Variants in RPRD2 observed in about 807,000 individuals in gnomAD.
RPRD2 encodes the protein regulation of nuclear pre-mRNA domain-containing protein 2.
In RPRD2, 12 loss-of-function variants were observed where a neutral mutation model predicts 104.4. The ratio of observed to expected loss-of-function variants is 0.11; its 90% CI spans 0.07 to 0.19. RPRD2 has a LOEUF of 0.19. Among genes scored for constraint, RPRD2 ranks in the 10% least tolerant of loss-of-function variants. RPRD2 has a pLI of 1.00. For synonymous variants in RPRD2, 714 were observed against 684.9 expected (o/e 1.04, Z -0.66); for missense variants, 1,543 against 1,790.1 (o/e 0.86, Z 2.49).
intron 8 of RPRD2, 47 bp from the exon 9 acceptor site, chr1:150,460,013 G>A (rs782005023): frequency 6.3e-7 from 1 of 1,581,400 alleles, no homozygotes; most frequent in East Asian, 2.3e-5. Flanking sequence ...AGGAAGCAAA[G>A]TCTGGAAAGT....
At chr1:150,446,760 A>T (rs1553895574) in intron 7 of RPRD2, among the ~76,000 whole-genome samples, 2 of 152,118 alleles carry the variant, frequency 1.3e-5, no homozygotes, top group Admixed American at 1.3e-4. Context: ...AAAAAAATAG[A>T]AGAAGAAATT....
At position 150,460,211 on chromosome 1, in the gene RPRD2, T is replaced by G; in HGVS notation, c.1305T>G (p.Thr435=). 1 of 1,613,964 alleles carries G rather than the reference T, an allele frequency of 6.2e-7. No individual in the cohort carries two copies. The highest frequency in any genetic ancestry group is 8.5e-7 in the Non-Finnish European group (1 of 1,179,872). The change falls in exon 9 of 11, where the codon ACT becomes ACG. Residue 435 remains threonine (T), a synonymous_variant. Coordinates refer to ENST00000369068, the MANE Select transcript of RPRD2 (RefSeq NM_015203.5). ...CACCTCTTCCAAAGCCTGTGAATAC[T>G]TCTCTTTCCCCTTCCCCAGCATTGG... is the stretch of plus-strand genomic sequence containing the variant. ...ATPPLPKPVN[T]SLSPSPALAL...
intron 1 of RPRD2, among the ~76,000 whole-genome samples, chr1:150,380,675 G>A (rs1661057244): frequency 6.6e-6 from 1 of 150,728 alleles, no homozygotes; most frequent in African/African-American, 2.4e-5. Context: ...TATTTTTTTG[G>A]GACGGAGTCT....
At chr1:150,430,430 G>A (rs1303466038) in intron 2 of RPRD2, among the ~76,000 whole-genome samples, 1 of 152,160 alleles carries the variant, frequency 6.6e-6, no homozygotes, top group East Asian at 1.9e-4. Context: ...CATCATGTGA[G>A]GCCAAAGTGG....
intron 2 of RPRD2, among the ~76,000 whole-genome samples, chr1:150,439,627 C>CTTTTTTTTTTTTTTTTTTT (rs66814229): frequency 2.1e-5 from 3 of 142,292 alleles, no homozygotes; most frequent in Non-Finnish European, 3.0e-5. Flanking sequence ...TTTGACATAG[C>CTTTTTTTTTTTTTTTTTTT]TTTTTTTTTT....
intron 1 of RPRD2, among the ~76,000 whole-genome samples, chr1:150,391,908 AAAAAAT>A (rs1282519891): frequency 2.0e-5 from 3 of 152,012 alleles, no homozygotes; most frequent in South Asian, 2.1e-4. Context: ...ACTCCATCTC[AAAAAAT>A]AAAAATAAAA....
rs587597790 is a variant in RPRD2, at chr1:150,425,081, A to G, written c.335+7356A>G. On this transcript the variant is annotated intron_variant, in intron 2 of 10. Transcript: ENST00000369068. ...TCTGGCTCTGTCACCTCATAACTCT[A>G]TAACTTTAGATAAATAAAATTAGTT... Among the ~76,000 whole-genome samples, 12 of 152,276 alleles carry G rather than the reference A, an allele frequency of 7.9e-5. No homozygotes were observed. In the East Asian group the frequency reaches 2.1e-3, roughly 27 times the overall value.
Position 150,393,454 on chromosome 1 carries a change from CAAA to C in RPRD2, c.206-24121_206-24119del, listed in dbSNP as rs1203478537. 6.3e-3 allele frequency among the ~76,000 whole-genome samples: 375 copies of C among 59,544 alleles called. 2 individuals carry two copies. The highest frequency in any genetic ancestry group is 0.021 in the African/African-American group (359 of 16,908). 39.1% of individuals were successfully genotyped at this position (59,544 alleles called of 152,430 possible). On this transcript the variant is annotated intron_variant, in intron 1 of 10. Transcript: ENST00000369068. ...CCTGGGCAACAGAGAGACCCTGTCT[CAAA>C]AAAAAAAAAAAAAAAAAAAACCAAT...
intron 2 of RPRD2, among the ~76,000 whole-genome samples, chr1:150,440,376 TTA>T (rs1666336246): frequency 2.6e-5 from 4 of 152,194 alleles, no homozygotes; most frequent in African/African-American, 7.2e-5. Context: ...CCAACATTGT[TTA>T]AAGTTAGGTA....
Position 150,476,360 on chromosome 1 carries a change from C to T in RPRD2, c.*3026C>T, listed in dbSNP as rs892332107. ...GCTTCAGCTGTTACTGTTTTGAAGC[C>T]GCTGTAAATTACTGCTTTCCCCAGT... On this transcript the variant is annotated 3_prime_UTR_variant, in exon 11 of 11. Transcript: ENST00000369068. 4.6e-5 allele frequency: 7 copies of T among 152,128 alleles called. No individual in the cohort carries two copies. The highest frequency in any genetic ancestry group is 1.9e-4 in the East Asian group (1 of 5,198). The allele number at this position is 152,128 out of a possible 1,614,324, so 9.4% of individuals were successfully genotyped here.
chr1:150,447,810 C>T (rs1346937158), intron 7 of RPRD2, among the ~76,000 whole-genome samples: 2 of 152,184 alleles, frequency 1.3e-5, no homozygotes, highest in African/African-American at 4.8e-5. Context: ...TTCGTAGAAG[C>T]AATCCCTTTT....
intron 7 of RPRD2, 116 bp downstream of exon 7, chr1:150,446,517 G>A (rs1341424545): frequency 3.2e-6 from 3 of 927,788 alleles, no homozygotes; most frequent in Non-Finnish European, 4.7e-6. Flanking sequence ...TATCGCAGAT[G>A]AAATTACTTT....
rs782268186 is a variant in RPRD2 at position 150,364,209 on chromosome 1, C to T, written c.-506C>T. 2.0e-5 allele frequency among the ~76,000 whole-genome samples: 3 copies of T among 152,172 alleles called. No individual in the cohort carries two copies. The highest frequency in any genetic ancestry group is 4.4e-5 in the Non-Finnish European group (3 of 68,034). The stretch of plus-strand genomic sequence containing the variant: ...AAAATCCTGACTAGGTAGCCTTGGA[C>T]CTTTTCTGTGCTAGCGAGTCTAAAG... On this transcript the variant is annotated 5_prime_UTR_variant, in exon 1 of 11. Transcript: ENST00000369068.
intron 10 of RPRD2, among the ~76,000 whole-genome samples, chr1:150,468,759 C>T (rs1261682012): frequency 6.6e-6 from 1 of 152,044 alleles, no homozygotes; most frequent in African/African-American, 2.4e-5. Context: ...CACCTGTGGT[C>T]CCAGCTACTC....
chr1:150,436,040 G>GT (rs1665966079), intron 2 of RPRD2, among the ~76,000 whole-genome samples: 2 of 151,676 alleles, frequency 1.3e-5, no homozygotes, highest in Admixed American at 1.3e-4. Context: ...TCTGTAGATG[G>GT]AACAGCAAAG....
chr1:150,447,851 G>A (rs1391654723), intron 7 of RPRD2, among the ~76,000 whole-genome samples: 1 of 151,998 alleles, frequency 6.6e-6, no homozygotes, highest in Non-Finnish European at 1.5e-5. Flanking sequence ...TCTGGCATTT[G>A]CTCCCATATT....
rs1668856926 is a variant in RPRD2 at position 150,475,660 on chromosome 1, A to T, written c.*2326A>T. 6.6e-6 allele frequency: 1 copy of T among 152,584 alleles called. No homozygotes were observed. The highest frequency in any genetic ancestry group is 2.1e-4 in the South Asian group (1 of 4,824). 9.5% of individuals were successfully genotyped at this position (152,584 alleles called of 1,614,324 possible). A position where few individuals can be genotyped will look rare whatever the true frequency, so the allele number is the denominator to read the frequency against. On this transcript the variant is annotated 3_prime_UTR_variant, in exon 11 of 11. Transcript: ENST00000369068. ...GATTTGTATGAGACTGTCAGCTATT[A>T]ATTTTAAGGAAATCTTAAAATTTAC...
At chr1:150,426,110 A>C (rs1255065617) in intron 2 of RPRD2, among the ~76,000 whole-genome samples, 2 of 152,088 alleles carry the variant, frequency 1.3e-5, no homozygotes, top group African/African-American at 4.8e-5. Flanking sequence ...CAAACAAACA[A>C]ACAAACAAAA....
chr1:150,424,574 C>T (rs937221131), intron 2 of RPRD2, among the ~76,000 whole-genome samples: 5 of 152,140 alleles, frequency 3.3e-5, no homozygotes, highest in Non-Finnish European at 7.3e-5. Context: ...GCATGAGCTA[C>T]CGCACGCGGC....
Sources: allele counts gnomAD v4.1 joint callset (sites outside exome capture counted in the v4.1 genomes callset), GRCh38; gene constraint gnomAD v4.1.1; transcripts MANE v1.5; gene names NCBI Gene and HGNC (gene_info 2026-07-23, HGNC 2026-07-21).